Variants in CLASP2 observed in about 807,000 individuals in gnomAD.
The protein encoded by CLASP2 is cytoplasmic linker associated protein 2.
Under a neutral mutation model 194.4 loss-of-function variants are expected in CLASP2, and 47 were observed. The ratio of observed to expected loss-of-function variants is 0.24; its 90% confidence interval spans 0.19 to 0.31. The LOEUF is 0.31. Ranked by LOEUF, CLASP2 falls within the 10% of genes least tolerant of loss-of-function variation. CLASP2 has a pLI of 1.00. For missense variants in CLASP2, 1,445 were observed against 1,823.6 expected (o/e 0.79, Z 3.78); for synonymous variants, 619 against 633.5 (o/e 0.98, Z 0.34).
intron 3 of CLASP2, 105 bp from the exon 4 acceptor site, chr3:33,688,473 G>T: frequency 1.2e-6 from 1 of 811,656 alleles, no homozygotes; most frequent in Non-Finnish European, 1.9e-6. Context: ...GTAACTGAAT[G>T]TTTTCATCAG....
At chr3:33,607,809 T>G (rs2074228427) in intron 14 of CLASP2, among the ~76,000 whole-genome samples, 1 of 152,220 alleles carries the variant, frequency 6.6e-6, no homozygotes, top group East Asian at 1.9e-4. Context: ...AATCCACCAC[T>G]GTAGAAATGA....
At chr3:33,526,481 C>T (rs143260054) in intron 34 of CLASP2, among the ~76,000 whole-genome samples, 1 of 151,838 alleles carries the variant, frequency 6.6e-6, no homozygotes, top group East Asian at 1.9e-4. Context: ...ATTCATAAAG[C>T]AAGTTCTTAG....
At chr3:33,535,672 G>C (rs970436066) in intron 33 of CLASP2, among the ~76,000 whole-genome samples, 2 of 152,032 alleles carry the variant, frequency 1.3e-5, no homozygotes, top group African/African-American at 4.8e-5. Context: ...CAGCTGTGAA[G>C]GCAAATAAGA....
intron 36 of CLASP2, among the ~76,000 whole-genome samples, chr3:33,511,276 G>A (rs534191745): frequency 9.5e-4 from 144 of 152,232 alleles, no homozygotes; most frequent in Non-Finnish European, 1.7e-3. Flanking sequence ...CAGAGCTCCA[G>A]CAATCCTCCT....
At chr3:33,668,517 T>C (rs995790560) in intron 6 of CLASP2, among the ~76,000 whole-genome samples, 6 of 152,108 alleles carry the variant, frequency 3.9e-5, no homozygotes, top group Non-Finnish European at 8.8e-5. Context: ...TATATGGTAG[T>C]GGAAAAAGGG....
At chr3:33,688,178 A>G in intron 4 of CLASP2, 99 bp downstream of exon 4, 2 of 776,530 alleles carry the variant, frequency 2.6e-6, no homozygotes, top group Non-Finnish European at 4.0e-6. Flanking sequence ...AATAATTTTA[A>G]ATGTGTTATT....
Position 33,510,609 on chromosome 3 carries a change from G to C in CLASP2, c.4266C>G (p.Ser1422=). The change falls in exon 37 of 39, where the codon TCC becomes TCG. Residue 1422 remains serine (S), a synonymous_variant. Transcript: ENST00000682230. ...KMQTKVIERV[S]KETLNLLLPE... ...GCAAAAGCAGGTTTAGGGTTTCCTT[G>C]GACACTCTCTCTATCACTTTTGTTT... is the stretch of plus-strand genomic sequence containing the variant. 6.2e-7 allele frequency: 1 copy of C among 1,613,824 alleles called. No individual in the cohort carries two copies. The highest frequency in any genetic ancestry group is 8.5e-7 in the Non-Finnish European group (1 of 1,179,854).
intron 6 of CLASP2, among the ~76,000 whole-genome samples, chr3:33,663,905 G>A (rs2085731802): frequency 6.6e-6 from 1 of 151,896 alleles, no homozygotes; most frequent in Non-Finnish European, 1.5e-5. Context: ...GTAACTTAAG[G>A]CAAACATACA....
In CLASP2 at chr3:33,668,641, CTACCTA is replaced by C. The variant is rs2086616078; in HGVS notation, c.645-5132_645-5127del. On this transcript the variant is annotated intron_variant, in intron 6 of 38. Transcript: ENST00000682230. ...GTTGTTATTTTGAGGATTCGAAATA[CTACCTA>C]TAAAATAATAAGGCCATAGGCGTCA... 1.3e-5 allele frequency among the ~76,000 whole-genome samples: 2 copies of C among 152,164 alleles called. 1 individual carries two copies. The highest frequency in any genetic ancestry group is 4.1e-4 in the South Asian group (2 of 4,834).
In CLASP2 at chr3:33,606,702, G is replaced by A. The variant is rs1560279155; in HGVS notation, c.1583C>T (p.Ser528Phe). ...ACTCTTCTGATAAGATGGCTCAAGG[G>A]AATTATATAATGTTTCAGCTTCACC... Reference protein sequence around the residue: ...FPGEAETLYNSLEPSYQKSLQ... With the variant: ...FPGEAETLYNFLEPSYQKSLQ... The change falls in exon 16 of 39, where the codon TCC becomes TTC. Residue 528 changes from serine to phenylalanine, a missense_variant. Around this residue, in one of 4 missense-constraint regions of CLASP2, gnomAD observed 207 missense variants for 331.4 expected, o/e 0.62. Transcript: ENST00000682230. 3 of 1,613,176 alleles carry A rather than the reference G, an allele frequency of 1.9e-6. No individual in the cohort carries two copies. The highest frequency in any genetic ancestry group is 2.2e-5 in the East Asian group (1 of 44,858).
intron 8 of CLASP2, among the ~76,000 whole-genome samples, chr3:33,637,016 G>A (rs1348306198): frequency 6.6e-6 from 1 of 152,104 alleles, no homozygotes; most frequent in East Asian, 1.9e-4. Flanking sequence ...AATATTCTTA[G>A]GACAACTGAG....
At chr3:33,603,207 C>A (rs2072772202) in intron 17 of CLASP2, 82 bp from the exon 18 acceptor site, 3 of 1,380,160 alleles carry the variant, frequency 2.2e-6, no homozygotes, top group Non-Finnish European at 2.9e-6. Flanking sequence ...CCACCATGAG[C>A]TAATCTGATG....
chr3:33,684,411 CAT>C lies in CLASP2; in HGVS notation c.590_591del (p.His197ArgfsTer11), dbSNP rs779022068. ...AGATCCATCCTCACTTTTTCTCCCA[CAT>C]GTCTATAAATCTCCACTATAGCCAA... ...AILAIVEIYR[H>X]VGEKVRMDLY... is the part of the protein sequence containing the mutation. On this transcript the variant is annotated frameshift_variant, in exon 6 of 39. Transcript: ENST00000682230. LOFTEE classifies it high-confidence loss of function. 12 of 1,605,550 alleles carry C rather than the reference CAT, an allele frequency of 7.5e-6. No homozygotes were observed. Among genetic ancestry groups the C allele is most frequent in the South Asian group, 1.1e-5 (1 of 90,034 alleles).
intron 24 of CLASP2, 131 bp downstream of exon 24, chr3:33,576,038 G>A (rs2154198802): frequency 1.5e-6 from 1 of 656,142 alleles, no homozygotes; most frequent in South Asian, 2.0e-5. Context: ...TTTTTACACT[G>A]CCCACGTTTT....
intron 19 of CLASP2, 60 bp downstream of exon 19, chr3:33,596,651 A>C (rs1421853369): frequency 3.6e-6 from 4 of 1,124,076 alleles, no homozygotes; most frequent in Non-Finnish European, 5.2e-6. Flanking sequence ...GAACAAGGAT[A>C]TTATATAGAA....
intron 6 of CLASP2, chr3:33,683,058 T>C (rs986723004): frequency 3.9e-5 from 6 of 152,224 alleles, no homozygotes; most frequent in Admixed American, 3.9e-4. Flanking sequence ...ACCCAATAAA[T>C]TGTATGGTAC....
At position 33,544,834 on chromosome 3, in the gene CLASP2, T is replaced by C. The variant is rs759914127; in HGVS notation, c.3161A>G (p.Gln1054Arg). 2 of 1,601,734 alleles carry C rather than the reference T, an allele frequency of 1.2e-6. No individual in the cohort carries two copies. The highest frequency in any genetic ancestry group is 1.7e-6 in the Non-Finnish European group (2 of 1,175,322). ...TTCAAATAATGAAATCAGCACTGACTGTGCTGCCTAAAAAACAAAGGCATA... is the reference window on the plus strand; with the variant it reads ...TTCAAATAATGAAATCAGCACTGACCGTGCTGCCTAAAAAACAAAGGCATA... ...PKSSDVRKAA[Q>R]SVLISLFELN... The change falls in exon 31 of 39, where the codon CAG becomes CGG. Residue 1054 changes from glutamine (Q) to arginine (R), a missense_variant. Gln to Arg is a conservative substitution (Grantham distance 43). This residue lies in a region of CLASP2 where 732 missense variants were observed against 987.9 expected (regional missense o/e 0.74). Transcript: ENST00000682230.
chr3:33,666,707 T>C (rs1327046887), intron 6 of CLASP2, among the ~76,000 whole-genome samples: 1 of 152,186 alleles, frequency 6.6e-6, no homozygotes, highest in East Asian at 1.9e-4. Flanking sequence ...TGTTTTCATA[T>C]CACTTGCATA....
chr3:33,708,970 G>A (rs2092867003), intron 1 of CLASP2, among the ~76,000 whole-genome samples: 1 of 152,126 alleles, frequency 6.6e-6, no homozygotes, highest in Non-Finnish European at 1.5e-5. Context: ...CTCAAACATT[G>A]AGTTAGATGA....
Sources: gnomAD v4.1 joint callset for allele counts (sites outside exome capture counted in the v4.1 genomes callset) on GRCh38, gnomAD v4.1.1 for gene constraint, gnomAD v4.1.1 regional missense constraint, MANE v1.5 for transcripts, NCBI Gene and HGNC (gene_info 2026-07-23, HGNC 2026-07-21) for gene names.